The following PTPRD variants were observed in gnomAD, a reference collection of about 807,000 sequenced individuals.
The protein encoded by PTPRD is protein tyrosine phosphatase receptor type D.
PTPRD carries 34 observed loss-of-function variants against 214.5 expected under a neutral mutation model. The observed-to-expected ratio is 0.16, with a 90% confidence interval of 0.12 to 0.21. The LOEUF is 0.21. Ranked by LOEUF, PTPRD falls within the 10% of genes least tolerant of loss-of-function variation. The probability of loss-of-function intolerance (pLI) is 1.00; values close to 1 mark genes in which losing one functional copy is unlikely to be tolerated. For synonymous variants in PTPRD, 1,128 were observed against 845.7 expected, an observed-to-expected ratio of 1.33 and a Z score of -5.79; for missense variants, 2,545 against 2,398.7, an observed-to-expected ratio of 1.06 and a Z score of -1.27.
At chr9:9,707,203 T>C (rs1375756928) in intron 7 of PTPRD, among the ~76,000 whole-genome samples, 2 of 152,190 alleles carry the variant, frequency 1.3e-5, no homozygotes, top group African/African-American at 4.8e-5. Flanking sequence ...TTTATGTACA[T>C]GTAAGGTATA....
At position 8,921,160 on chromosome 9, in the gene PTPRD, C is replaced by A. The variant is rs186911383; in HGVS notation, c.-104+97537G>T. Among the ~76,000 whole-genome samples the A allele has an allele frequency of 3.8e-3, 577 of 152,244 alleles. 2 individuals carry two copies. The highest frequency in any genetic ancestry group is 0.013 in the African/African-American group (543 of 41,548). The stretch of plus-strand genomic sequence containing the variant: ...AAACCAGGAAGGTCTAGAAAACCTG[C>A]CACTGGAATCTGTGAGGCTATTCAT... On this transcript the variant is annotated intron_variant, in intron 11 of 45. Transcript: ENST00000381196.
At chr9:8,572,844 T>C (rs1168376377) in intron 14 of PTPRD, among the ~76,000 whole-genome samples, 1 of 152,078 alleles carries the variant, frequency 6.6e-6, no homozygotes, top group Non-Finnish European at 1.5e-5. Flanking sequence ...CTGATTATAT[T>C]GGTTTGCATG....
chr9:9,075,325 T>G (rs2099749460), intron 10 of PTPRD, among the ~76,000 whole-genome samples: 1 of 152,150 alleles, frequency 6.6e-6, no homozygotes, highest in African/African-American at 2.4e-5. Flanking sequence ...TCAGTTATTT[T>G]TAAAAGTATA....
At chr9:10,521,792 T>A (rs1339307588) in intron 2 of PTPRD, among the ~76,000 whole-genome samples, 1 of 152,176 alleles carries the variant, frequency 6.6e-6, no homozygotes, top group Non-Finnish European at 1.5e-5. Context: ...AAAGTATTTG[T>A]AATAAAGGTA....
chr9:9,820,775 G>T (rs1005171436), intron 5 of PTPRD, among the ~76,000 whole-genome samples: 1 of 151,934 alleles, frequency 6.6e-6, no homozygotes, highest in Non-Finnish European at 1.5e-5. Flanking sequence ...CAGCTTCATT[G>T]TATATCAGAT....
intron 10 of PTPRD, among the ~76,000 whole-genome samples, chr9:9,149,189 A>G (rs1465388846): frequency 6.6e-6 from 1 of 152,214 alleles, no homozygotes; most frequent in Admixed American, 6.5e-5. Flanking sequence ...TCTATCTATC[A>G]GATAAAGAAT....
intron 8 of PTPRD, among the ~76,000 whole-genome samples, chr9:9,536,967 C>T (rs1477750515): frequency 6.6e-6 from 1 of 151,948 alleles, no homozygotes; most frequent in Non-Finnish European, 1.5e-5. Flanking sequence ...AAGTACGTAT[C>T]AGCCTTTTTC....
intron 3 of PTPRD, among the ~76,000 whole-genome samples, chr9:10,093,410 C>A: frequency 6.6e-6 from 1 of 151,286 alleles, no homozygotes; most frequent in East Asian, 1.9e-4. Context: ...TCTTATACTA[C>A]CAGTCAGAAT....
chr9:10,097,225 T>C (rs1273727067), intron 3 of PTPRD, among the ~76,000 whole-genome samples: 1 of 149,736 alleles, frequency 6.7e-6, no homozygotes, highest in Non-Finnish European at 1.5e-5. Flanking sequence ...ATGCGGGCTC[T>C]TTTTTGGTTC....
intron 10 of PTPRD, among the ~76,000 whole-genome samples, chr9:9,085,470 T>C (rs1009277891): frequency 6.6e-6 from 1 of 152,168 alleles, no homozygotes; most frequent in African/African-American, 2.4e-5. Context: ...TTTTGACCCT[T>C]AGGGTGAAAA....
chr9:10,080,848 A>T (rs1053472715), intron 3 of PTPRD, among the ~76,000 whole-genome samples: 2 of 152,144 alleles, frequency 1.3e-5, no homozygotes, highest in African/African-American at 4.8e-5. Flanking sequence ...ATACTGAGAC[A>T]TACAGTTATT....
intron 8 of PTPRD, among the ~76,000 whole-genome samples, chr9:9,398,817 G>C (rs1187709824): frequency 6.6e-6 from 1 of 151,860 alleles, no homozygotes; most frequent in African/African-American, 2.4e-5. Flanking sequence ...TATGAACGTG[G>C]TCACCCCAGC....
chr9:9,289,126 T>C (rs951611930), intron 9 of PTPRD, among the ~76,000 whole-genome samples: 1 of 151,866 alleles, frequency 6.6e-6, no homozygotes, highest in Non-Finnish European at 1.5e-5. Flanking sequence ...GGCTAGCAAA[T>C]AGTTACCCTC....
chr9:8,449,583 C>T, intron 34 of PTPRD, 142 bp downstream of exon 34: 1 of 712,830 alleles, frequency 1.4e-6, no homozygotes, highest in Non-Finnish European at 2.1e-6. Flanking sequence ...TTTGCTTGGG[C>T]AAGTCTCCAT....
intron 5 of PTPRD, among the ~76,000 whole-genome samples, chr9:9,847,217 A>C (rs887463763): frequency 4.6e-5 from 7 of 152,076 alleles, no homozygotes; most frequent in Non-Finnish European, 1.0e-4. Context: ...TAAACAACCA[A>C]ATCACATTTG....
chr9:9,823,922 AT>A (rs2051716099), intron 5 of PTPRD, among the ~76,000 whole-genome samples: 1 of 152,122 alleles, frequency 6.6e-6, no homozygotes. Context: ...GAATATCTCA[AT>A]TATGTTGATT....
rs758285052 is a variant in PTPRD, at chr9:8,517,899, T to C, written c.1492A>G (p.Ile498Val). ...TCACTTGAAAGGGGACCATCTCCAA[T>C]TGAGGTAAAAGCCAGGACTTTGACA... is the stretch of plus-strand genomic sequence containing the variant. ...YSVKVLAFTS[I>V]GDGPLSSDIQ... Residue 498 changes from isoleucine to valine, a missense_variant, in exon 21 of 46, where the codon ATT becomes GTT. Transcript: ENST00000381196. 1.4e-5 allele frequency: 23 copies of C among 1,614,042 alleles called. No individual in the cohort carries two copies. The highest frequency in any genetic ancestry group is 2.7e-5 in the African/African-American group (2 of 74,938).
intron 12 of PTPRD, among the ~76,000 whole-genome samples, chr9:8,666,118 C>T (rs1276842708): frequency 6.6e-6 from 1 of 151,236 alleles, no homozygotes; most frequent in African/African-American, 2.4e-5. Context: ...AAAGAATATG[C>T]TATTTTGTCC....
At chr9:9,851,983 C>A (rs559648873) in intron 5 of PTPRD, among the ~76,000 whole-genome samples, 17 of 152,150 alleles carry the variant, frequency 1.1e-4, no homozygotes, top group African/African-American at 3.6e-4. Context: ...TCTGTGAAGT[C>A]CCCGATTTCA....
Sources: gnomAD v4.1 joint callset for allele counts (sites outside exome capture counted in the v4.1 genomes callset) on GRCh38, gnomAD v4.1.1 for gene constraint, MANE v1.5 for transcripts, NCBI Gene and HGNC (gene_info 2026-07-23, HGNC 2026-07-21) for gene names.